The following CCDC102B variants were observed in gnomAD, a reference collection of about 807,000 sequenced individuals.
CCDC102B encodes coiled-coil domain-containing protein 102B.
A neutral mutation model predicts 57.4 loss-of-function variants in CCDC102B; 75 were observed. The ratio of observed to expected loss-of-function variants is 1.31; its 90% CI spans 1.08 to 1.58. The LOEUF is 1.58. Among genes scored for constraint, CCDC102B ranks in the 40% most tolerant of loss-of-function variants. CCDC102B has a pLI of 0.00. For missense variants in CCDC102B, 636 were observed against 582.6 expected (o/e 1.09, Z -0.94); for synonymous variants, 206 against 201.9 (o/e 1.02, Z -0.17).
intron 2 of CCDC102B, among the ~76,000 whole-genome samples, chr18:68,765,322 AAGGAAAG>A (rs1207625525): frequency 3.7e-5 from 2 of 53,412 alleles, no homozygotes; most frequent in African/African-American, 1.3e-4. Flanking sequence ...GGAAGGAAGG[AAGGAAAG>A]AAAGAAAGAA....
chr18:68,744,910 A>G (rs2033552832), intron 2 of CCDC102B, among the ~76,000 whole-genome samples: 3 of 152,182 alleles, frequency 2.0e-5, no homozygotes, highest in Admixed American at 2.0e-4. Flanking sequence ...TGGGGATGCA[A>G]TCCAGTCAAG....
intron 2 of CCDC102B, among the ~76,000 whole-genome samples, chr18:68,737,481 GGTGT>G (rs1473134120): frequency 1.3e-4 from 20 of 151,288 alleles, no homozygotes; most frequent in Non-Finnish European, 2.7e-4. Flanking sequence ...TAGTGGCAGT[GGTGT>G]GTGTATGTGT....
intron 7 of CCDC102B, among the ~76,000 whole-genome samples, chr18:69,024,236 G>A (rs554237700): frequency 6.6e-6 from 1 of 152,064 alleles, no homozygotes; most frequent in African/African-American, 2.4e-5. Context: ...CTTTTTGAAG[G>A]TTTGTCAGGC....
chr18:68,938,230 T>C (rs960974923), intron 6 of CCDC102B, among the ~76,000 whole-genome samples: 17 of 152,080 alleles, frequency 1.1e-4, no homozygotes, highest in Non-Finnish European at 2.4e-4. Flanking sequence ...TGTAAGGACA[T>C]ACAAAATGTA....
At chr18:68,844,851 A>T (rs947112121) in intron 3 of CCDC102B, among the ~76,000 whole-genome samples, 1 of 151,912 alleles carries the variant, frequency 6.6e-6, no homozygotes, top group African/African-American at 2.4e-5. Context: ...TTCTATCTGA[A>T]ATTGTGACCG....
In CCDC102B at chr18:68,781,801, AT is replaced by A. The variant is rs555643673; in HGVS notation, c.-66-41557del. ...AAAGATTGGGTTATAAGTATTTAAA[AT>A]TTTTTTTATAATAACATGTATTGCT... On this transcript the variant is annotated intron_variant, in intron 2 of 3. Coordinates refer to the CCDC102B transcript ENST00000578970. Among the ~76,000 whole-genome samples, 57 of 152,104 alleles carry A rather than the reference AT, an allele frequency of 3.7e-4. 1 individual carries two copies. Among genetic ancestry groups the A allele is most frequent in the Admixed American group, 3.1e-3 (47 of 15,250 alleles).
intron 6 of CCDC102B, among the ~76,000 whole-genome samples, chr18:68,963,007 A>G (rs892361802): frequency 1.3e-5 from 2 of 151,952 alleles, no homozygotes; most frequent in East Asian, 1.9e-4. Flanking sequence ...ATATTTATTT[A>G]TTACACGGCA....
At chr18:68,912,113 C>T (rs2040895855) in intron 6 of CCDC102B, among the ~76,000 whole-genome samples, 1 of 152,062 alleles carries the variant, frequency 6.6e-6, no homozygotes, top group Admixed American at 6.5e-5. Flanking sequence ...TTGTTGATAT[C>T]ATCTGGCTAC....
chr18:68,952,896 A>G (rs1182394145), intron 6 of CCDC102B, among the ~76,000 whole-genome samples: 3 of 152,148 alleles, frequency 2.0e-5, no homozygotes, highest in East Asian at 3.9e-4. Context: ...AAAACAAACT[A>G]CTGATACTCT....
downstream of CCDC102B, among the ~76,000 whole-genome samples, chr18:69,056,910 C>A (rs946311769): frequency 2.0e-5 from 3 of 152,000 alleles, no homozygotes; most frequent in African/African-American, 7.2e-5. Context: ...AACTCCCCAT[C>A]TTTCCTCTTC....
intron 6 of CCDC102B, among the ~76,000 whole-genome samples, chr18:68,959,805 C>T (rs1436817222): frequency 6.6e-6 from 1 of 152,118 alleles, no homozygotes; most frequent in African/African-American, 2.4e-5. Flanking sequence ...TACCAAGATA[C>T]TGCTGATATT....
At chr18:68,857,390 T>TA (rs2038525634) in intron 4 of CCDC102B, among the ~76,000 whole-genome samples, 1 of 123,486 alleles carries the variant, frequency 8.1e-6, no homozygotes, top group South Asian at 2.2e-4. Flanking sequence ...TATATATTTA[T>TA]TATTTAAATA....
intron 6 of CCDC102B, among the ~76,000 whole-genome samples, chr18:68,959,197 T>A (rs2049984703): frequency 6.6e-6 from 1 of 152,208 alleles, no homozygotes; most frequent in Non-Finnish European, 1.5e-5. Flanking sequence ...AAGTCTTTGG[T>A]CACTACAGTC....
intron 1 of CCDC102B, among the ~76,000 whole-genome samples, chr18:68,824,370 T>TG (rs2036821400): frequency 6.6e-6 from 1 of 152,216 alleles, no homozygotes; most frequent in Non-Finnish European, 1.5e-5. Flanking sequence ...TGTAGGTGTG[T>TG]GGTTGTATTT....
At chr18:68,815,709 G>GACACAC (rs1555706127) in intron 1 of CCDC102B, among the ~76,000 whole-genome samples, 1 of 115,530 alleles carries the variant, frequency 8.7e-6, no homozygotes, top group Non-Finnish European at 1.7e-5. Context: ...CACACACACT[G>GACACAC]AACTCTGGTT....
At chr18:69,052,516 T>C (rs1353152280) in intron 7 of CCDC102B, among the ~76,000 whole-genome samples, 1 of 151,752 alleles carries the variant, frequency 6.6e-6, no homozygotes, top group African/African-American at 2.4e-5. Context: ...CACACATACA[T>C]AGTGTGTGTG....
chr18:68,717,094 A>T (rs1244968281), intron 2 of CCDC102B, among the ~76,000 whole-genome samples: 2 of 151,276 alleles, frequency 1.3e-5, no homozygotes, highest in East Asian at 3.9e-4. Flanking sequence ...AAAAAAAAAA[A>T]TTAGCCAGAT....
At chr18:69,011,864 TAA>T (rs1029726375) in intron 7 of CCDC102B, among the ~76,000 whole-genome samples, 1 of 152,066 alleles carries the variant, frequency 6.6e-6, no homozygotes, top group African/African-American at 2.4e-5. Flanking sequence ...CAGTTGGAAA[TAA>T]AAAAATAAGC....
chr18:68,946,193 A>G (rs2049533494), intron 6 of CCDC102B, among the ~76,000 whole-genome samples: 1 of 152,102 alleles, frequency 6.6e-6, no homozygotes, highest in Non-Finnish European at 1.5e-5. Context: ...ATATTTATTT[A>G]GATCTTTTTC....
Sources: gnomAD v4.1 joint callset for allele counts (sites outside exome capture counted in the v4.1 genomes callset) on GRCh38, gnomAD v4.1.1 for gene constraint, MANE v1.5 for transcripts, NCBI Gene and HGNC (gene_info 2026-07-23, HGNC 2026-07-21) for gene names.